Variants in PALM2AKAP2 observed in about 807,000 individuals in gnomAD.
PALM2AKAP2 encodes PALM2-AKAP2 fusion protein.
In PALM2AKAP2, 37 loss-of-function variants were observed where a neutral mutation model predicts 71.5. The observed-to-expected ratio is 0.52, with a 90% confidence interval of 0.40 to 0.68. PALM2AKAP2 has a LOEUF of 0.68. Among genes scored for constraint, PALM2AKAP2 ranks in the 30% least tolerant of loss-of-function variants. PALM2AKAP2 has a pLI of 0.00. For missense variants in PALM2AKAP2, 1,224 were observed against 1,191.8 expected, an observed-to-expected ratio of 1.03 and a Z score of -0.40; for synonymous variants, 468 against 478.8, an observed-to-expected ratio of 0.98 and a Z score of 0.29.
exon 2 of PALM2AKAP2, chr9:109,867,540 A>G (rs1829486245): frequency 1.2e-6 from 2 of 1,612,808 alleles, no homozygotes; most frequent in Non-Finnish European, 8.5e-7. Flanking sequence ...CAACAGCTTG[A>G]CGAGCAGATA....
chr9:110,162,098 C>A, intron 3 of PALM2AKAP2: 1 of 1,613,990 alleles, frequency 6.2e-7, no homozygotes, highest in Non-Finnish European at 8.5e-7. Flanking sequence ...TGCCAGTACA[C>A]TTCTAAGTTA....
intron 1 of PALM2AKAP2, among the ~76,000 whole-genome samples, chr9:109,641,778 T>C (rs1360112880): frequency 6.6e-6 from 1 of 152,212 alleles, no homozygotes; most frequent in Non-Finnish European, 1.5e-5. Flanking sequence ...TGAAATCATA[T>C]TTCAAGTTAG....
At chr9:109,663,356 A>G (rs996212252) in intron 1 of PALM2AKAP2, among the ~76,000 whole-genome samples, 1 of 152,150 alleles carries the variant, frequency 6.6e-6, no homozygotes, top group Non-Finnish European at 1.5e-5. Flanking sequence ...ACACTGCTTT[A>G]AATGTGTCCC....
chr9:109,885,353 A>G (rs2131783972), intron 3 of PALM2AKAP2, among the ~76,000 whole-genome samples: 1 of 152,344 alleles, frequency 6.6e-6, no homozygotes, highest in Middle Eastern at 3.4e-3. Flanking sequence ...AACCCTGGGC[A>G]TTAGAATCAC....
intron 2 of PALM2AKAP2, among the ~76,000 whole-genome samples, chr9:110,147,834 T>C (rs562610092): frequency 6.6e-6 from 1 of 152,222 alleles, no homozygotes; most frequent in Non-Finnish European, 1.5e-5. Context: ...TTTGCAGCAG[T>C]TGTGAGCCTG....
chr9:109,762,136 T>G (rs1829064438), intron 1 of PALM2AKAP2, among the ~76,000 whole-genome samples: 1 of 151,400 alleles, frequency 6.6e-6, no homozygotes, highest in African/African-American at 2.4e-5. Flanking sequence ...TGGCGATTCC[T>G]CAAGGATCTA....
At chr9:109,672,266 A>T (rs1193844708) in intron 1 of PALM2AKAP2, among the ~76,000 whole-genome samples, 1 of 152,096 alleles carries the variant, frequency 6.6e-6, no homozygotes, top group African/African-American at 2.4e-5. Flanking sequence ...TATGATTTTG[A>T]GTTGTGTTCC....
At chr9:109,869,643 A>G (rs1043392129) in intron 2 of PALM2AKAP2, among the ~76,000 whole-genome samples, 1 of 148,310 alleles carries the variant, frequency 6.7e-6, no homozygotes, top group Middle Eastern at 3.2e-3. Context: ...GCATCCATTC[A>G]TCCATCTTTC....
chr9:110,062,803 T>G (rs1004790370), intron 1 of PALM2AKAP2, among the ~76,000 whole-genome samples: 7 of 152,318 alleles, frequency 4.6e-5, no homozygotes, highest in South Asian at 4.2e-4. Flanking sequence ...CCAAACTCAT[T>G]TAGCCAAAGG....
At chr9:110,082,415 C>A (rs1190856939) in intron 1 of PALM2AKAP2, among the ~76,000 whole-genome samples, 3 of 152,204 alleles carry the variant, frequency 2.0e-5, no homozygotes, top group African/African-American at 7.2e-5. Context: ...GAAGTGAAAT[C>A]TGATATGGTA....
chr9:109,659,978 C>T (rs1392013300), intron 1 of PALM2AKAP2, among the ~76,000 whole-genome samples: 1 of 152,044 alleles, frequency 6.6e-6, no homozygotes, highest in African/African-American at 2.4e-5. Context: ...GTAGCTGGAA[C>T]TACAGGCATG....
At chr9:110,155,572 C>A (rs1003047741) in intron 2 of PALM2AKAP2, among the ~76,000 whole-genome samples, 1 of 152,090 alleles carries the variant, frequency 6.6e-6, no homozygotes, top group African/African-American at 2.4e-5. Context: ...GAGGACATTG[C>A]GAGAGCTAAA....
chr9:109,802,882 A>G (rs1041533050), intron 1 of PALM2AKAP2, among the ~76,000 whole-genome samples: 1 of 152,248 alleles, frequency 6.6e-6, no homozygotes, highest in Non-Finnish European at 1.5e-5. Context: ...TCATGAAGGA[A>G]TGCTGATGCA....
At chr9:109,817,051 G>A (rs1827872323) in intron 1 of PALM2AKAP2, among the ~76,000 whole-genome samples, 1 of 152,184 alleles carries the variant, frequency 6.6e-6, no homozygotes, top group African/African-American at 2.4e-5. Context: ...TTCTAAATCA[G>A]TGAATCAGTA....
intron 6 of PALM2AKAP2, among the ~76,000 whole-genome samples, chr9:109,975,231 G>A (rs1832150943): frequency 1.3e-5 from 2 of 152,186 alleles, no homozygotes; most frequent in South Asian, 4.1e-4. Flanking sequence ...GCCCAGGAAA[G>A]CCAATGATGT....
intron 1 of PALM2AKAP2, among the ~76,000 whole-genome samples, chr9:109,700,096 A>T (rs996930575): frequency 4.6e-5 from 7 of 152,174 alleles, no homozygotes. Flanking sequence ...ACATTAAAAT[A>T]TTGTACCAAA....
At chr9:110,046,383 A>T (rs192946958), upstream of PALM2AKAP2, among the ~76,000 whole-genome samples, 183 of 152,166 alleles carry the variant, frequency 1.2e-3, 4 homozygotes, top group African/African-American at 4.0e-3. Flanking sequence ...ATATTCTAGA[A>T]CTTTAAAATT....
intron 1 of PALM2AKAP2, among the ~76,000 whole-genome samples, chr9:109,732,039 G>A (rs80174276): frequency 0.04 from 6,120 of 152,238 alleles, 185 homozygotes; most frequent in Non-Finnish European, 0.053. Flanking sequence ...TTCAGCAGGA[G>A]CCACTTTGGC....
chr9:110,014,278 A>G (rs1832931810), intron 6 of PALM2AKAP2, among the ~76,000 whole-genome samples: 1 of 152,226 alleles, frequency 6.6e-6, no homozygotes, highest in Non-Finnish European at 1.5e-5. Context: ...AACAAATATT[A>G]CACAGATAAT....
Sources: allele counts gnomAD v4.1 joint callset (sites outside exome capture counted in the v4.1 genomes callset), GRCh38; gene constraint gnomAD v4.1.1; transcripts MANE v1.5; gene names NCBI Gene and HGNC (gene_info 2026-07-23, HGNC 2026-07-21).